Variants in MYO18B observed in about 807,000 individuals in gnomAD.
MYO18B encodes myosin XVIIIB, also known as unconventional myosin-XVIIIb.
In MYO18B, 204 loss-of-function variants were observed where a neutral mutation model predicts 273.0. The observed-to-expected ratio is 0.75, with a 90% confidence interval of 0.67 to 0.84. The LOEUF (loss-of-function observed/expected upper bound fraction) is 0.84, where lower values mean the gene tolerates loss of function less well. MYO18B is among the 40% of genes least tolerant of loss of function. The pLI, the probability that MYO18B is intolerant of heterozygous loss-of-function variation, is 0.00. For synonymous variants in MYO18B, 1,330 were observed against 1,305.7 expected (o/e 1.02, Z -0.40); for missense variants, 3,212 against 3,287.6 (o/e 0.98, Z 0.56).
chr22:26,034,134 G>T (rs908638304), downstream of MYO18B, among the ~76,000 whole-genome samples: 1 of 152,136 alleles, frequency 6.6e-6, no homozygotes, highest in African/African-American at 2.4e-5. Flanking sequence ...TGTATTTTTA[G>T]TAGAGACGAG....
chr22:25,863,396 G>A (rs2146115512), intron 21 of MYO18B, among the ~76,000 whole-genome samples: 1 of 152,186 alleles, frequency 6.6e-6, no homozygotes, highest in Admixed American at 6.5e-5. Context: ...TGCACATCCT[G>A]TCATTTTTGC....
chr22:25,922,911 A>G (rs2092369003), intron 34 of MYO18B, among the ~76,000 whole-genome samples: 1 of 151,938 alleles, frequency 6.6e-6, no homozygotes, highest in African/African-American at 2.4e-5. Flanking sequence ...CAAAACAAAA[A>G]CCTAAATTTA....
chr22:25,880,721 GAGAC>G (rs2091310818), intron 25 of MYO18B, among the ~76,000 whole-genome samples: 1 of 152,256 alleles, frequency 6.6e-6, no homozygotes, highest in Admixed American at 6.5e-5. Context: ...CCGATAGAGG[GAGAC>G]AGACCACAAG....
chr22:25,762,110 GA>G (rs113144865), intron 2 of MYO18B, among the ~76,000 whole-genome samples: 3,753 of 111,430 alleles, frequency 0.034, 114 homozygotes, highest in African/African-American at 0.085. Flanking sequence ...TCTCAAAAAA[GA>G]AAAAAAAAAA....
chr22:25,834,169 C>CA (rs2089815531), intron 16 of MYO18B, among the ~76,000 whole-genome samples: 1 of 148,466 alleles, frequency 6.7e-6, no homozygotes, highest in African/African-American at 2.5e-5. Flanking sequence ...TTTTTTGAGA[C>CA]AGAGTCTCAC....
At chr22:25,996,750 G>A (rs1329378433) in intron 40 of MYO18B, among the ~76,000 whole-genome samples, 1 of 152,190 alleles carries the variant, frequency 6.6e-6, no homozygotes, top group Non-Finnish European at 1.5e-5. Flanking sequence ...GAAGGAGCCA[G>A]CTGTGGGAAG....
intron 15 of MYO18B, among the ~76,000 whole-genome samples, chr22:25,830,388 G>A (rs903800041): frequency 2.6e-5 from 4 of 152,152 alleles, no homozygotes; most frequent in Admixed American, 6.5e-5. Flanking sequence ...AAAATCTTCG[G>A]TTGTTGCTCA....
chr22:25,914,982 A>T (rs537706761), intron 33 of MYO18B, among the ~76,000 whole-genome samples: 1 of 151,386 alleles, frequency 6.6e-6, no homozygotes, highest in Non-Finnish European at 1.5e-5. Flanking sequence ...CAGGCATGAA[A>T]CACCGCGCCC....
At chr22:25,927,396 G>A (rs1015084862) in intron 34 of MYO18B, among the ~76,000 whole-genome samples, 1 of 152,136 alleles carries the variant, frequency 6.6e-6, no homozygotes. Context: ...CGAGACTGCA[G>A]GGGTGAAAGA....
intron 7 of MYO18B, among the ~76,000 whole-genome samples, chr22:25,775,064 CT>C (rs1265915360): frequency 6.6e-6 from 1 of 152,228 alleles, no homozygotes; most frequent in East Asian, 1.9e-4. Context: ...CCTTCTCCCC[CT>C]AGGCAGTGGG....
chr22:25,924,079 C>T (rs1477279118), intron 34 of MYO18B, among the ~76,000 whole-genome samples: 3 of 152,150 alleles, frequency 2.0e-5, no homozygotes, highest in African/African-American at 4.8e-5. Flanking sequence ...TCATGGAAAT[C>T]GTTATAAGGA....
chr22:26,048,763 T>A, the MYO18B span, among the ~76,000 whole-genome samples: 1 of 152,168 alleles, frequency 6.6e-6, no homozygotes, highest in Non-Finnish European at 1.5e-5. Context: ...TATGCATGCA[T>A]GCGTCTTTAT....
chr22:25,924,069 T>C (rs1269103622), intron 34 of MYO18B, among the ~76,000 whole-genome samples: 3 of 152,202 alleles, frequency 2.0e-5, no homozygotes, highest in Non-Finnish European at 1.5e-5. Flanking sequence ...GTTGCTGTTG[T>C]CATGGAAATC....
At chr22:25,834,436 C>T (rs955689358) in intron 16 of MYO18B, among the ~76,000 whole-genome samples, 11 of 152,154 alleles carry the variant, frequency 7.2e-5, no homozygotes, top group South Asian at 2.1e-4. Flanking sequence ...ACTGTCCATC[C>T]GGGAGACCCT....
intron 25 of MYO18B, among the ~76,000 whole-genome samples, chr22:25,889,625 T>A (rs971803759): frequency 7.9e-5 from 12 of 151,794 alleles, no homozygotes; most frequent in African/African-American, 2.9e-4. Flanking sequence ...GCCCTTCTCC[T>A]ACATAGGGTT....
intron 39 of MYO18B, among the ~76,000 whole-genome samples, chr22:25,982,721 T>C (rs1301914003): frequency 2.0e-5 from 3 of 152,152 alleles, no homozygotes; most frequent in East Asian, 1.9e-4. Context: ...ACCCTTATGA[T>C]TGAGTATTTT....
intron 1 of MYO18B, among the ~76,000 whole-genome samples, chr22:25,755,269 C>A (rs978804304): frequency 1.1e-4 from 16 of 152,118 alleles, no homozygotes; most frequent in African/African-American, 3.9e-4. Flanking sequence ...TGCAATGGCT[C>A]GATCTCGGCT....
chr22:26,033,442 A>C (rs1936708673), downstream of MYO18B, among the ~76,000 whole-genome samples: 1 of 152,226 alleles, frequency 6.6e-6, no homozygotes, highest in African/African-American at 2.4e-5. Flanking sequence ...AAAAATTTAT[A>C]ATACGTTTAT....
Position 25,769,033 on chromosome 22 carries a change from G to A in MYO18B, c.1117G>A (p.Glu373Lys), listed in dbSNP as rs375834242. ...GELGDDLRMG[E>K]KAGELRSTTG... ...GTTGGGGGACGATCTGAGAATGGGGGAGAAAGCAGGTGAGCTTCGGAGCAC... is the reference window on the plus strand; with the variant it reads ...GTTGGGGGACGATCTGAGAATGGGGAAGAAAGCAGGTGAGCTTCGGAGCAC... The change falls in exon 4 of 44, where the codon GAG (glutamate) becomes AAG (lysine). Residue 373 changes from glutamate to lysine, a missense_variant. By Grantham distance (56) the Glu-to-Lys change is moderately conservative. Coordinates refer to ENST00000335473, the MANE Select transcript of MYO18B (RefSeq NM_032608.7). 21 of 1,611,678 alleles carry A rather than the reference G, an allele frequency of 1.3e-5. No individual in the cohort carries two copies. The highest frequency in any genetic ancestry group is 5.3e-5 in the African/African-American group (4 of 74,916).
Sources: gnomAD v4.1 joint callset for allele counts (sites outside exome capture counted in the v4.1 genomes callset) on GRCh38, gnomAD v4.1.1 for gene constraint, MANE v1.5 for transcripts, NCBI Gene and HGNC (gene_info 2026-07-23, HGNC 2026-07-21) for gene names.